ZNF594: variants seen among roughly 807,000 people sequenced by gnomAD.
The protein encoded by ZNF594 is zinc finger protein 594.
For missense variants in ZNF594, 1,037 were observed against 964.6 expected (o/e 1.08, Z -0.99); for synonymous variants, 336 against 309.4 (o/e 1.09, Z -0.90).
At chr17:5,174,310 T>C in the ZNF594 span, 2 of 189,566 alleles carry the variant, frequency 1.1e-5, no homozygotes, top group East Asian at 1.7e-4. Context: ...CTTTGTTTAT[T>C]CATTTAGACC....
intron 1 of ZNF594, among the ~76,000 whole-genome samples, chr17:5,188,335 A>G (rs1015882133): frequency 3.3e-5 from 5 of 151,372 alleles, no homozygotes; most frequent in Admixed American, 3.3e-4. Flanking sequence ...TGAAGTCTTG[A>G]AAGCCAGAAG....
chr17:5,182,214 C>T lies in ZNF594; in HGVS notation c.2043G>A (p.Gln681=), dbSNP rs757916102. 1 of 1,613,386 alleles carries T rather than the reference C, an allele frequency of 6.2e-7. No homozygotes were observed. The highest frequency in any genetic ancestry group is 1.7e-5 in the Admixed American group (1 of 59,980). The change falls in exon 2 of 2, where the codon CAG becomes CAA. Residue 681 remains glutamine (Q), a synonymous_variant. Coordinates refer to ENST00000575779, the MANE Select transcript of ZNF594 (RefSeq NM_032530.2). ...QKIHTGEKPY[Q]CSECGNAFRR... Reference sequence around the variant, plus strand: ...TGAAGGCATTCCCACATTCACTGCACTGATAGGGTTTCTCTCCAGTATGGA... The same window carrying T: ...TGAAGGCATTCCCACATTCACTGCATTGATAGGGTTTCTCTCCAGTATGGA...
intron 1 of ZNF594, among the ~76,000 whole-genome samples, chr17:5,188,146 T>C (rs1040934823): frequency 6.6e-6 from 1 of 151,428 alleles, no homozygotes; most frequent in African/African-American, 2.4e-5. Flanking sequence ...GTCATAATTT[T>C]CCCTTGAAGT....
chr17:5,183,774 C>T lies in ZNF594; in HGVS notation c.483G>A (p.Gly161=), dbSNP rs2074367066. The stretch of plus-strand genomic sequence containing the variant: ...GATTTGAACTTTGATTAGAGTCTTT[C>T]CCACATTCATTACACACATATGGCT... ...GNKPYVCNEC[G]KDSNQSSNLI... The change falls in exon 2 of 2, where the codon GGG becomes GGA. Residue 161 remains glycine (G), a synonymous_variant. Transcript: ENST00000575779. 6.2e-7 allele frequency: 1 copy of T among 1,613,104 alleles called. No homozygotes were observed. The highest frequency in any genetic ancestry group is 8.5e-7 in the Non-Finnish European group (1 of 1,179,302).
At chr17:5,175,582 G>C (rs973759006), downstream of ZNF594, among the ~76,000 whole-genome samples, 2 of 152,136 alleles carry the variant, frequency 1.3e-5, no homozygotes, top group African/African-American at 4.8e-5. Context: ...AGAAAGTTAT[G>C]GCAGGGAAGC....
chr17:5,188,076 T>C (rs1473037306), intron 1 of ZNF594, among the ~76,000 whole-genome samples: 1 of 151,992 alleles, frequency 6.6e-6, no homozygotes, highest in Non-Finnish European at 1.5e-5. Flanking sequence ...GTGGCCTTAC[T>C]GCTTTTGGGT....
intron 1 of ZNF594, among the ~76,000 whole-genome samples, chr17:5,188,275 T>TC (rs2074399469): frequency 6.6e-6 from 1 of 151,660 alleles, no homozygotes; most frequent in South Asian, 2.1e-4. Flanking sequence ...CCCTTTTTTT[T>TC]TTTTTTTCAC....
In ZNF594 at chr17:5,184,074, G is replaced by C; in HGVS notation, c.183C>G (p.Ser61=). 4 of 1,614,138 alleles carry C rather than the reference G, an allele frequency of 2.5e-6. No homozygotes were observed. Among genetic ancestry groups the C allele is most frequent in the Non-Finnish European group, 2.5e-6 (3 of 1,180,022 alleles). ...GCATTTCCCTGATACCGCTCTCTTG[G>C]GAAGGGAGATGTCTCATTGCATCCT... ...PLKDAMRHLP[S]QESGIREMHI... is the part of the protein sequence containing the mutation. Residue 61 remains serine, a synonymous_variant, in exon 2 of 2, where the codon TCC becomes TCG. Coordinates refer to ENST00000575779, the MANE Select transcript of ZNF594 (RefSeq NM_032530.2).
At position 5,184,248 on chromosome 17, in the gene ZNF594, T is replaced by C. The variant is rs1266693378; in HGVS notation, c.9A>G (p.Glu3=). 6.2e-7 allele frequency: 1 copy of C among 1,611,576 alleles called. No homozygotes were observed. The highest frequency in any genetic ancestry group is 8.5e-7 in the Non-Finnish European group (1 of 1,179,212). Residue 3 remains glutamate (E), a synonymous_variant, in exon 2 of 2, where the codon GAA becomes GAG. Transcript: ENST00000575779. ...CAGAAATTTCCATCTTTGATTTCCA[T>C]TCCTTCATCTTATTCCTGTCTTCAG... is the stretch of plus-strand genomic sequence containing the variant. MK[E]WKSKMEISEE...
chr17:5,183,231 CTGATGTT>C lies in ZNF594; in HGVS notation c.1019_1025del (p.Lys340ArgfsTer55). 1.2e-6 allele frequency: 2 copies of C among 1,614,186 alleles called. No individual in the cohort carries two copies. Among genetic ancestry groups the C allele is most frequent in the Admixed American group, 1.7e-5 (1 of 60,020 alleles). On this transcript the variant is annotated frameshift_variant, in exon 2 of 2. Transcript: ENST00000575779. LOFTEE classifies it low-confidence loss of function (END_TRUNC). ...CAATTTTCTCTCCAGCATGCAATCT[CTGATGTT>C]TAAGAAAAGCTGTGCGCCCACTGAA...
intron 1 of ZNF594, among the ~76,000 whole-genome samples, chr17:5,188,600 G>A (rs2074401720): frequency 6.6e-6 from 1 of 152,174 alleles, no homozygotes; most frequent in Non-Finnish European, 1.5e-5. Context: ...ATACATCCAT[G>A]AAGAATACAA....
At chr17:5,177,867 A>T (rs2074316406), downstream of ZNF594, among the ~76,000 whole-genome samples, 1 of 152,104 alleles carries the variant, frequency 6.6e-6, no homozygotes. Flanking sequence ...AAACTTACTA[A>T]AACGGACACA....
At chr17:5,187,769 G>GT (rs2074394690) in intron 1 of ZNF594, among the ~76,000 whole-genome samples, 1 of 152,020 alleles carries the variant, frequency 6.6e-6, no homozygotes, top group Admixed American at 6.6e-5. Flanking sequence ...ATTTAGAACA[G>GT]TGCTTTGCAT....
rs114754534 is a variant in ZNF594, at chr17:5,182,207, C to T, written c.2050G>A (p.Glu684Lys). ...CGCCGCCTGAAGGCATTCCCACATT[C>T]ACTGCACTGATAGGGTTTCTCTCCA... Reference protein sequence around the residue: ...HTGEKPYQCSECGNAFRRRSL... With the variant: ...HTGEKPYQCSKCGNAFRRRSL... The change falls in exon 2 of 2, where the codon GAA (glutamate) becomes AAA (lysine). Residue 684 changes from glutamate to lysine, a missense_variant. Transcript: ENST00000575779. The T allele has an allele frequency of 6.2e-7, 1 of 1,613,532 alleles. No individual in the cohort carries two copies. Among genetic ancestry groups the T allele is most frequent in the Non-Finnish European group, 8.5e-7 (1 of 1,179,964 alleles).
chr17:5,180,776 C>A lies in ZNF594; in HGVS notation c.*1057G>T. 1 of 321,466 alleles carries A rather than the reference C, an allele frequency of 3.1e-6. No individual in the cohort carries two copies. The highest frequency in any genetic ancestry group is 6.0e-6 in the Non-Finnish European group (1 of 166,540). The allele number at this position is 321,466 out of a possible 1,614,324, so 19.9% of individuals were successfully genotyped here. A position where few individuals can be genotyped will look rare whatever the true frequency, so the allele number is the denominator to read the frequency against. On this transcript the variant is annotated 3_prime_UTR_variant, in exon 2 of 2. Transcript: ENST00000575779. ...GGTGATTATGTCCAAGAGCTTTTGG[C>A]TTTTCCACTTGATTATACTTACGTT... is the stretch of plus-strand genomic sequence containing the variant.
downstream of ZNF594, among the ~76,000 whole-genome samples, chr17:5,176,977 C>T (rs1245414580): frequency 2.0e-5 from 3 of 151,872 alleles, no homozygotes; most frequent in East Asian, 3.9e-4. Flanking sequence ...AGGCGGATCA[C>T]GAGGTCAGGA....
At chr17:5,178,751 G>A (rs1186633754), downstream of ZNF594, among the ~76,000 whole-genome samples, 1 of 152,008 alleles carries the variant, frequency 6.6e-6, no homozygotes, top group Non-Finnish European at 1.5e-5. Flanking sequence ...AATTAAACCA[G>A]GTAACAAGAT....
chr17:5,183,271 C>T lies in ZNF594; in HGVS notation c.986G>A (p.Gly329Glu). Residue 329 changes from glycine (G) to glutamate (E), a missense_variant, in exon 2 of 2, where the codon GGG (glycine) becomes GAG (glutamate). Coordinates refer to ENST00000575779, the MANE Select transcript of ZNF594 (RefSeq NM_032530.2). ...GEKPYECHRCGKTFSGRTAFL... is the reference protein window; with the variant it reads ...GEKPYECHRCEKTFSGRTAFL... The stretch of plus-strand genomic sequence containing the variant: ...AGCTGTGCGCCCACTGAAGGTCTTC[C>T]CACATCTGTGACATTCATAGGGTTT... 6.2e-7 allele frequency: 1 copy of T among 1,614,160 alleles called. No individual in the cohort carries two copies. The highest frequency in any genetic ancestry group is 8.5e-7 in the Non-Finnish European group (1 of 1,180,024).
At chr17:5,185,225 A>C (rs898880238) in intron 1 of ZNF594, among the ~76,000 whole-genome samples, 2 of 152,178 alleles carry the variant, frequency 1.3e-5, no homozygotes, top group Non-Finnish European at 2.9e-5. Context: ...GGAGAGAAAA[A>C]GAGGTTTAGT....
Sources: allele counts gnomAD v4.1 joint callset (sites outside exome capture counted in the v4.1 genomes callset), GRCh38; gene constraint gnomAD v4.1.1; transcripts MANE v1.5; gene names NCBI Gene and HGNC (gene_info 2026-07-23, HGNC 2026-07-21).